The following ZDHHC14 variants were observed in gnomAD, a reference collection of about 807,000 sequenced individuals.
ZDHHC14 encodes the protein zDHHC palmitoyltransferase 14, also known as palmitoyltransferase ZDHHC14.
ZDHHC14 carries 16 observed loss-of-function variants against 47.7 expected under a neutral mutation model. That is an observed-to-expected ratio of 0.34 (90% CI 0.23 to 0.51). ZDHHC14 has a LOEUF of 0.51. Ranked by LOEUF, ZDHHC14 falls within the 20% of genes least tolerant of loss-of-function variation. ZDHHC14 has a pLI of 0.97. For missense variants in ZDHHC14, 515 were observed against 662.5 expected (o/e 0.78, Z 2.44); for synonymous variants, 293 against 278.9 (o/e 1.05, Z -0.50).
intron 3 of ZDHHC14, among the ~76,000 whole-genome samples, chr6:157,603,895 A>C (rs912849807): frequency 6.6e-6 from 1 of 152,200 alleles, no homozygotes; most frequent in Non-Finnish European, 1.5e-5. Flanking sequence ...ACAACATGTC[A>C]GTGGGACAGG....
chr6:157,413,277 C>A (rs1192769564), intron 1 of ZDHHC14, among the ~76,000 whole-genome samples: 1 of 152,192 alleles, frequency 6.6e-6, no homozygotes, highest in Non-Finnish European at 1.5e-5. Flanking sequence ...TTCACCACAG[C>A]AGACGACTGG....
intron 1 of ZDHHC14, among the ~76,000 whole-genome samples, chr6:157,495,999 C>G (rs1033863508): frequency 2.0e-5 from 3 of 152,092 alleles, no homozygotes; most frequent in Non-Finnish European, 4.4e-5. Flanking sequence ...GCCACTGCAC[C>G]CGGCCTTGGG....
At chr6:157,630,576 AC>A (rs1476718173) in intron 4 of ZDHHC14, 1 of 149,736 alleles carries the variant, frequency 6.7e-6, no homozygotes, top group African/African-American at 2.5e-5. Context: ...ACACCCACAC[AC>A]CCTTACACAC....
chr6:157,448,590 A>G (rs185521518), intron 1 of ZDHHC14, among the ~76,000 whole-genome samples: 13 of 152,376 alleles, frequency 8.5e-5, no homozygotes, highest in Non-Finnish European at 1.8e-4. Context: ...TGTAGTAGAC[A>G]TAGTGAACAA....
At chr6:157,610,483 C>T (rs1485059780) in intron 3 of ZDHHC14, among the ~76,000 whole-genome samples, 1 of 152,182 alleles carries the variant, frequency 6.6e-6, no homozygotes, top group Non-Finnish European at 1.5e-5. Context: ...ACTAACTACC[C>T]TTCTGCCATG....
chr6:157,422,143 G>A (rs1359100241), intron 1 of ZDHHC14, among the ~76,000 whole-genome samples: 2 of 152,166 alleles, frequency 1.3e-5, no homozygotes, highest in Non-Finnish European at 2.9e-5. Flanking sequence ...CCCATCCAGA[G>A]CATTTCCAGG....
chr6:157,385,657 G>T (rs911111671), intron 1 of ZDHHC14, among the ~76,000 whole-genome samples: 21 of 152,252 alleles, frequency 1.4e-4, no homozygotes, highest in African/African-American at 4.8e-4. Flanking sequence ...GAGAAAGGCA[G>T]GGTAGAAATG....
At chr6:157,514,947 G>A (rs1013869588) in intron 1 of ZDHHC14, among the ~76,000 whole-genome samples, 5 of 152,306 alleles carry the variant, frequency 3.3e-5, no homozygotes, top group South Asian at 2.1e-4. Flanking sequence ...CAGTGTTATC[G>A]CAGCTCTTTC....
chr6:157,522,266 A>G (rs1452446499), intron 1 of ZDHHC14, among the ~76,000 whole-genome samples: 1 of 152,222 alleles, frequency 6.6e-6, no homozygotes, highest in Non-Finnish European at 1.5e-5. Context: ...TATTATGTCA[A>G]AAGCCAAACT....
At chr6:157,445,164 T>TATCTATC (rs571381159) in intron 1 of ZDHHC14, among the ~76,000 whole-genome samples, 9 of 142,752 alleles carry the variant, frequency 6.3e-5, no homozygotes, top group African/African-American at 2.3e-4. Context: ...TCTATCTATC[T>TATCTATC]ATCATCATCA....
At chr6:157,469,394 A>G (rs1779301765) in intron 1 of ZDHHC14, among the ~76,000 whole-genome samples, 1 of 152,224 alleles carries the variant, frequency 6.6e-6, no homozygotes, top group Non-Finnish European at 1.5e-5. Flanking sequence ...GTTGTGCCCT[A>G]GGTACTCCTC....
In ZDHHC14 at chr6:157,381,535, AC is replaced by A; in HGVS notation, c.-484del. On this transcript the variant is annotated 5_prime_UTR_variant, in exon 1 of 9. Coordinates refer to ENST00000359775, the MANE Select transcript of ZDHHC14 (RefSeq NM_024630.3). ...GATCCGCTGCCGGAGGAAGGAGTGG[AC>A]CCAACCTGGCCGCGCCGCAGAAGTG... 1 of 404,384 alleles carries A rather than the reference AC, an allele frequency of 2.5e-6. No homozygotes were observed. Among genetic ancestry groups the A allele is most frequent in the Non-Finnish European group, 4.9e-6 (1 of 203,516 alleles). 25.0% of individuals were successfully genotyped at this position (404,384 alleles called of 1,614,324 possible).
At chr6:157,612,901 TG>T (rs778323051) in intron 3 of ZDHHC14, among the ~76,000 whole-genome samples, 3 of 149,722 alleles carry the variant, frequency 2.0e-5, no homozygotes, top group Admixed American at 6.6e-5. Context: ...TGTTCTCAAC[TG>T]GGGGGAAAAA....
intron 5 of ZDHHC14, among the ~76,000 whole-genome samples, chr6:157,634,904 G>A (rs9347442): frequency 0.45 from 68,248 of 152,072 alleles, 16,041 homozygotes; most frequent in East Asian, 0.86. Context: ...CCTGCTGGCG[G>A]CTTCTGCTCC....
chr6:157,487,397 T>G (rs1434916903), intron 1 of ZDHHC14, among the ~76,000 whole-genome samples: 2 of 152,232 alleles, frequency 1.3e-5, no homozygotes, highest in Non-Finnish European at 2.9e-5. Context: ...TTCTGTCTAC[T>G]ATTTCTTTGC....
At chr6:157,672,626 C>A in intron 8 of ZDHHC14, 98 bp from the exon 9 acceptor site, 10 of 232,410 alleles carry the variant, frequency 4.3e-5, no homozygotes, top group Non-Finnish European at 5.2e-5. Context: ...CTTCTCGCAC[C>A]CCACCCTCCC....
At chr6:157,411,834 T>C (rs2114758688) in intron 1 of ZDHHC14, among the ~76,000 whole-genome samples, 1 of 151,960 alleles carries the variant, frequency 6.6e-6, no homozygotes, top group East Asian at 1.9e-4. Flanking sequence ...TCATTAGATA[T>C]GTGTGCAATT....
At chr6:157,665,105 G>C (rs1004234995) in intron 8 of ZDHHC14, among the ~76,000 whole-genome samples, 3 of 152,120 alleles carry the variant, frequency 2.0e-5, no homozygotes, top group Non-Finnish European at 4.4e-5. Context: ...CTTCCCTCAG[G>C]GATTACAGTC....
intron 8 of ZDHHC14, among the ~76,000 whole-genome samples, chr6:157,660,569 T>G (rs1778306794): frequency 6.6e-6 from 1 of 152,230 alleles, no homozygotes; most frequent in Non-Finnish European, 1.5e-5. Flanking sequence ...TCTTCAGACC[T>G]GGCCCTATGT....
Sources: allele counts gnomAD v4.1 joint callset (sites outside exome capture counted in the v4.1 genomes callset), GRCh38; gene constraint gnomAD v4.1.1; transcripts MANE v1.5; gene names NCBI Gene and HGNC (gene_info 2026-07-23, HGNC 2026-07-21).